PLG: variants seen among roughly 807,000 people sequenced by gnomAD.
PLG encodes plasminogen.
In PLG, 41 loss-of-function variants were observed where a neutral mutation model predicts 104.4. The ratio of observed to expected loss-of-function variants is 0.39; its 90% CI spans 0.31 to 0.51. The LOEUF is 0.51. Ranked by LOEUF, PLG falls within the 20% of genes least tolerant of loss-of-function variation. PLG has a pLI of 0.76. For missense variants in PLG, 891 were observed against 1,003.6 expected, an observed-to-expected ratio of 0.89 and a Z score of 1.52; for synonymous variants, 337 against 357.1, an observed-to-expected ratio of 0.94 and a Z score of 0.63.
rs757377776 is a variant in PLG at position 160,706,515 on chromosome 6, G to A, written c.158G>A (p.Cys53Tyr). The change falls in exon 2 of 19, where the codon TGT becomes TAT. Residue 53 changes from cysteine (C) to tyrosine (Y), a missense_variant. This residue lies in a region of PLG where 854 missense variants were observed against 932.1 expected (regional missense o/e 0.92). Coordinates refer to ENST00000308192, the MANE Select transcript of PLG (RefSeq NM_000301.5). The stretch of plus-strand genomic sequence containing the variant: ...AGTATAGAAGAATGTGCAGCAAAAT[G>A]TGAGGAGGACGAAGAATTCACCTGC... ...AGSIEECAAK[C>Y]EEDEEFTCRA... 1.2e-6 allele frequency: 2 copies of A among 1,613,950 alleles called. No individual in the cohort carries two copies. Among genetic ancestry groups the A allele is most frequent in the African/African-American group, 2.7e-5 (2 of 75,052 alleles).
At chr6:160,714,599 A>T (rs1286903411) in intron 5 of PLG, among the ~76,000 whole-genome samples, 195 bp from the exon 6 acceptor site, 1 of 152,230 alleles carries the variant, frequency 6.6e-6, no homozygotes, top group Non-Finnish European at 1.5e-5. Flanking sequence ...TTTAAAAGGA[A>T]AATGACATTT....
chr6:160,716,309 G>A (rs925837052), intron 6 of PLG, among the ~76,000 whole-genome samples: 33 of 152,188 alleles, frequency 2.2e-4, no homozygotes, highest in African/African-American at 7.7e-4. Context: ...GAAAAACAGT[G>A]CTTGGCAGCC....
At chr6:160,718,634 G>T in intron 8 of PLG, 59 bp from the exon 9 acceptor site, 2 of 1,561,142 alleles carry the variant, frequency 1.3e-6, no homozygotes, top group Non-Finnish European at 1.8e-6. Context: ...TTCTCAAAGC[G>T]TGGTTCCCTA....
chr6:160,742,433 G>A (rs143918217), intron 17 of PLG, among the ~76,000 whole-genome samples: 1 of 151,486 alleles, frequency 6.6e-6, no homozygotes, highest in East Asian at 1.9e-4. Context: ...TCATATGTTT[G>A]TTGGCCACAG....
intron 17 of PLG, among the ~76,000 whole-genome samples, chr6:160,745,382 A>ACCCTTTAC (rs371922270): frequency 4.1e-5 from 4 of 96,914 alleles, no homozygotes; most frequent in Admixed American, 3.0e-4. Context: ...TTTGAATTGA[A>ACCCTTTAC]CCCTTTACCA....
Position 160,722,326 on chromosome 6 carries a change from C to T in PLG, c.1097-82C>T, listed in dbSNP as rs150331110. On this transcript the variant is annotated intron_variant, in intron 9 of 18. Transcript: ENST00000308192. ...AACAGTCATAATTCTCAGAGGCTAC[C>T]GTACTGTTTTTGTCATAAATTGCTT... 1,955 of 906,696 alleles carry T rather than the reference C, an allele frequency of 2.2e-3. 17 individuals are homozygous for T. The highest frequency in any genetic ancestry group is 6.3e-3 in the East Asian group (262 of 41,264). 56.2% of individuals were successfully genotyped at this position (906,696 alleles called of 1,614,324 possible).
In PLG at chr6:160,736,580, T is replaced by C. The variant is rs1233234425; in HGVS notation, c.1682-307T>C. ...ATGGAGTCAGAATAACAATGACAAA[T>C]AACCATTTGTCCCAATCAAGGTTTT... On this transcript the variant is annotated intron_variant, in intron 13 of 18. Transcript: ENST00000308192. The surrounding 1 kb of genome is among the most constrained non-coding windows in gnomAD (Gnocchi z 5.2). Among the ~76,000 whole-genome samples the C allele has an allele frequency of 2.0e-5, 3 of 152,108 alleles. No individual in the cohort carries two copies. In the East Asian group the frequency reaches 5.8e-4, roughly 29 times the overall value.
In PLG at chr6:160,714,906, T is replaced by C. The variant is rs760165235; in HGVS notation, c.660T>C (p.Ile220=). The change falls in exon 6 of 19, where the codon ATT becomes ATC. Residue 220 remains isoleucine (I), a synonymous_variant. Coordinates refer to ENST00000308192, the MANE Select transcript of PLG (RefSeq NM_000301.5). ...AGAGCCCACACGCTCATGGATACATTCCTTCCAAGTAAGTCTCACTGGGAA... is the reference window on the plus strand; with the variant it reads ...AGAGCCCACACGCTCATGGATACATCCCTTCCAAGTAAGTCTCACTGGGAA... ...DSQSPHAHGY[I]PSKFPNKNLK... is the part of the protein sequence containing the mutation. The C allele has an allele frequency of 6.1e-5, 99 of 1,613,724 alleles. No individual in the cohort carries two copies. Among genetic ancestry groups the C allele is most frequent in the Non-Finnish European group, 8.1e-5 (95 of 1,179,778 alleles).
Position 160,731,987 on chromosome 6 carries a change from C to T in PLG, c.1587+94C>T. 7.7e-7 allele frequency: 1 copy of T among 1,301,856 alleles called. No homozygotes were observed. Among genetic ancestry groups the T allele is most frequent in the Non-Finnish European group, 1.1e-6 (1 of 901,740 alleles). 80.6% of individuals were successfully genotyped at this position (1,301,856 alleles called of 1,614,324 possible). On this transcript the variant is annotated intron_variant, in intron 12 of 18. Transcript: ENST00000308192. This position sits in a 1 kb window ranked among gnomAD's most constrained non-coding sequence, Gnocchi z 5.1. Reference sequence around the variant, plus strand: ...GTTACAGAAAATCTGACCTGGACTGCTCTTTTTTGTAATGGGGGAGAGGGG... The same window carrying T: ...GTTACAGAAAATCTGACCTGGACTGTTCTTTTTTGTAATGGGGGAGAGGGG...
chr6:160,708,285 AT>A (rs1431982646), intron 3 of PLG: 1 of 154,500 alleles, frequency 6.5e-6, no homozygotes, highest in Admixed American at 6.3e-5. Flanking sequence ...AATTTTTCAC[AT>A]TTTGGGGGAC....
intron 10 of PLG, among the ~76,000 whole-genome samples, chr6:160,727,278 T>C (rs1469806099): frequency 1.3e-5 from 2 of 151,810 alleles, no homozygotes; most frequent in East Asian, 1.9e-4. Context: ...ACAACATGTG[T>C]ATATAATCTT....
In PLG at chr6:160,737,593, C is replaced by A. The variant is rs1778107595; in HGVS notation, c.1802+586C>A. Among the ~76,000 whole-genome samples, 1 of 152,210 alleles carries A rather than the reference C, an allele frequency of 6.6e-6. No individual in the cohort carries two copies. The highest frequency in any genetic ancestry group is 1.9e-4 in the East Asian group (1 of 5,198). On this transcript the variant is annotated intron_variant, in intron 14 of 18. Transcript: ENST00000308192. This position sits in a 1 kb window ranked among gnomAD's most constrained non-coding sequence, Gnocchi z 4.7. ...CATTTTGGGTATTGTTTCAGTGGAACATGCCTTTCATAAGTTCCATTTTCT... is the reference window on the plus strand; with the variant it reads ...CATTTTGGGTATTGTTTCAGTGGAAAATGCCTTTCATAAGTTCCATTTTCT...
rs1287616999 is a variant in PLG, at chr6:160,711,146, G to T, written c.362G>T (p.Gly121Val). Residue 121 changes from glycine to valine, a missense_variant, in exon 4 of 19, where the codon GGC (glycine) becomes GTC (valine). Physicochemically the swap from Gly to Val is moderately radical, Grantham distance 109. Coordinates refer to ENST00000308192, the MANE Select transcript of PLG (RefSeq NM_000301.5). Reference protein sequence around the residue: ...YRGTMSKTKNGITCQKWSSTS... With the variant: ...YRGTMSKTKNVITCQKWSSTS... ...GGGACGATGTCCAAAACAAAAAATG[G>T]CATCACCTGTCAAAAATGGAGTTCC... is the stretch of plus-strand genomic sequence containing the variant. The T allele has an allele frequency of 1.1e-5, 18 of 1,611,860 alleles. No homozygotes were observed. The highest frequency in any genetic ancestry group is 1.4e-5 in the Non-Finnish European group (17 of 1,178,124).
At chr6:160,748,972 C>T (rs552585248) in intron 17 of PLG, among the ~76,000 whole-genome samples, 11 of 152,300 alleles carry the variant, frequency 7.2e-5, no homozygotes, top group South Asian at 6.2e-4. Context: ...TGGAGGTGGA[C>T]GCAGGACCAC....
rs746781558 is a variant in PLG at position 160,734,047 on chromosome 6, A to G, written c.1640A>G (p.Asn547Ser). 1 of 1,611,744 alleles carries G rather than the reference A, an allele frequency of 6.2e-7. No homozygotes were observed. The highest frequency in any genetic ancestry group is 1.1e-5 in the South Asian group (1 of 91,046). The change falls in exon 13 of 19, where the codon AAT becomes AGT. Residue 547 changes from asparagine to serine, a missense_variant. Asn to Ser is a conservative substitution (Grantham distance 46). This residue lies in a region of PLG where 854 missense variants were observed against 932.1 expected (regional missense o/e 0.92). Coordinates refer to ENST00000308192, the MANE Select transcript of PLG (RefSeq NM_000301.5). This position sits in a 1 kb window ranked among gnomAD's most constrained non-coding sequence, Gnocchi z 4.4. Reference sequence around the variant, plus strand: ...GGTGGTCCCTGGTGCTACACGACAAATCCAAGAAAACTTTACGACTACTGT... The same window carrying G: ...GGTGGTCCCTGGTGCTACACGACAAGTCCAAGAAAACTTTACGACTACTGT... ...DVGGPWCYTT[N>S]PRKLYDYCDV...
In PLG at chr6:160,751,910, C is replaced by G. The variant is rs783173; in HGVS notation, c.2126-205C>G. On this transcript the variant is annotated intron_variant, in intron 17 of 18. Transcript: ENST00000308192. ...AACCCCAAACCAACACGACAAAGCC[C>G]AGATTGTTAATTCCAGGGCTCAGGA... Among the ~76,000 whole-genome samples, 85,475 of 152,034 alleles carry G rather than the reference C, an allele frequency of 0.56. 24,663 individuals are homozygous for G. The highest frequency in any genetic ancestry group is 0.98 in the East Asian group (5,068 of 5,172).
In PLG at chr6:160,752,808, A is replaced by T; in HGVS notation, c.2272-92A>T. ...TTCCTTTCTGATTTCAATTACTGGG[A>T]AAATGTATATATGGATAGTAGAAGG... On this transcript the variant is annotated intron_variant, in intron 18 of 18. Transcript: ENST00000308192. The surrounding 1 kb of genome is among the most constrained non-coding windows in gnomAD (Gnocchi z 4.7). 7.0e-7 allele frequency: 1 copy of T among 1,420,644 alleles called. No homozygotes were observed. The highest frequency in any genetic ancestry group is 9.9e-7 in the Non-Finnish European group (1 of 1,005,088). The allele number at this position is 1,420,644 out of a possible 1,614,324, so 88.0% of individuals were successfully genotyped here. A position where few individuals can be genotyped will look rare whatever the true frequency, so the allele number is the denominator to read the frequency against.
chr6:160,742,494 G>A (rs756565744), intron 17 of PLG, among the ~76,000 whole-genome samples: 20 of 150,054 alleles, frequency 1.3e-4, no homozygotes, highest in African/African-American at 4.6e-4. Context: ...ATTTTTTAAT[G>A]GGGTTTTTTT....
At chr6:160,717,366 T>G (rs764069473) in intron 7 of PLG, among the ~76,000 whole-genome samples, 6 of 152,234 alleles carry the variant, frequency 3.9e-5, no homozygotes, top group Non-Finnish European at 8.8e-5. Context: ...TAAAAAGGAT[T>G]CAGTGAGGGT....
Sources: allele counts gnomAD v4.1 joint callset (sites outside exome capture counted in the v4.1 genomes callset), GRCh38; gene constraint gnomAD v4.1.1; regional missense constraint gnomAD v4.1.1; non-coding constraint Gnocchi (gnomAD v3.1); transcripts MANE v1.5; gene names NCBI Gene and HGNC (gene_info 2026-07-23, HGNC 2026-07-21).